Variants in ATM observed in about 807,000 individuals in gnomAD.
ATM encodes the protein serine-protein kinase ATM.
A neutral mutation model predicts 387.0 loss-of-function variants in ATM; 308 were observed. The observed-to-expected ratio is 0.80, with a 90% confidence interval of 0.73 to 0.87. ATM has a LOEUF of 0.87. ATM is among the 40% of genes least tolerant of loss of function. ATM has a pLI of 0.00. For missense variants in ATM, 3,312 were observed against 3,560.9 expected, an observed-to-expected ratio of 0.93 and a Z score of 1.78; for synonymous variants, 1,156 against 1,187.3, an observed-to-expected ratio of 0.97 and a Z score of 0.54.
rs35119654 is a variant in ATM, at chr11:108,342,093, GT to G, written c.8269-1120del. Among the ~76,000 whole-genome samples, 153 of 151,156 alleles carry G rather than the reference GT, an allele frequency of 1.0e-3. 1 individual carries two copies. The highest frequency in any genetic ancestry group is 1.3e-3 in the Non-Finnish European group (86 of 67,732). Reference sequence around the variant, plus strand: ...TTAACATTATGAGATTTTTTTTGCAGTTTTTTTTTCTTTTTTAGCTCATCAG... The same window carrying G: ...TTAACATTATGAGATTTTTTTTGCAGTTTTTTTTCTTTTTTAGCTCATCAG... On this transcript the variant is annotated intron_variant, in intron 56 of 62. Coordinates refer to ENST00000675843, the MANE Select transcript of ATM (RefSeq NM_000051.4).
At chr11:108,272,974 G>A (rs1368083826) in intron 22 of ATM, 122 bp downstream of exon 22, 17 of 1,220,444 alleles carry the variant, frequency 1.4e-5, no homozygotes, top group Non-Finnish European at 2.0e-5. Flanking sequence ...TATATACGGT[G>A]TGCCTGGCAT....
chr11:108,266,468 C>T, intron 16 of ATM, among the ~76,000 whole-genome samples: 1 of 128,300 alleles, frequency 7.8e-6, no homozygotes. Flanking sequence ...GGGAATATCA[C>T]ACTCTGTGGA....
At chr11:108,311,213 A>G (rs1415435633) in intron 39 of ATM, among the ~76,000 whole-genome samples, 1 of 152,084 alleles carries the variant, frequency 6.6e-6, no homozygotes, top group Non-Finnish European at 1.5e-5. Flanking sequence ...ACGTTCAAGC[A>G]GTCCTCCCAC....
chr11:108,231,090 T>C (rs1487409223), intron 4 of ATM, among the ~76,000 whole-genome samples: 2 of 152,216 alleles, frequency 1.3e-5, no homozygotes, highest in Non-Finnish European at 2.9e-5. Context: ...TGATTAATTC[T>C]AAGATCATGT....
intron 4 of ATM, among the ~76,000 whole-genome samples, chr11:108,232,315 T>G (rs745336849): frequency 2.0e-5 from 3 of 152,136 alleles, no homozygotes; most frequent in Admixed American, 2.0e-4. Flanking sequence ...GAGTTACTAT[T>G]CCCTCACCCC....
At chr11:108,309,061 G>A in intron 38 of ATM, 1 of 1,501,008 alleles carries the variant, frequency 6.7e-7, no homozygotes, top group Non-Finnish European at 9.0e-7. Flanking sequence ...ATAAGATCCT[G>A]AAGAATATTC....
At chr11:108,347,512 T>C (rs1312698962) in intron 59 of ATM, 147 bp downstream of exon 59, 13 of 683,848 alleles carry the variant, frequency 1.9e-5, no homozygotes, top group Non-Finnish European at 2.8e-5. Context: ...GCATAAACAG[T>C]TGTCCTAGAA....
chr11:108,348,857 T>C (rs2088822894), intron 59 of ATM, among the ~76,000 whole-genome samples: 1 of 152,202 alleles, frequency 6.6e-6, no homozygotes, highest in Non-Finnish European at 1.5e-5. Context: ...AAAAGGTAGA[T>C]GCTAAGAATC....
At chr11:108,333,224 G>C (rs2086472779) in intron 53 of ATM, among the ~76,000 whole-genome samples, 1 of 152,034 alleles carries the variant, frequency 6.6e-6, no homozygotes, top group African/African-American at 2.4e-5. Context: ...AGCCTCAAAA[G>C]TTTTTTTAAA....
At chr11:108,268,767 G>A (rs779859985) in intron 18 of ATM, among the ~76,000 whole-genome samples, 158 bp downstream of exon 18, 6 of 152,190 alleles carry the variant, frequency 3.9e-5, no homozygotes, top group East Asian at 1.9e-4. Flanking sequence ...CACTTTTAAC[G>A]TGCTGTGAGC....
intron 23 of ATM, among the ~76,000 whole-genome samples, chr11:108,280,522 T>G (rs889432198): frequency 2.0e-5 from 3 of 150,988 alleles, no homozygotes; most frequent in South Asian, 2.1e-4. Context: ...ATAGTAGGGG[T>G]GTGTGTGTGT....
rs1060504285 is a variant in ATM at position 108,250,728 on chromosome 11, A to G, written c.1263A>G (p.Ser421=). ...PWLQIATQLI[S]KYPASLPNCE... is the part of the protein sequence containing the mutation. Reference sequence around the variant, plus strand: ...TACAGATTGCAACCCAATTAATATCAAAGTATCCTGCAAGTTTACCTAACT... The same window carrying G: ...TACAGATTGCAACCCAATTAATATCGAAGTATCCTGCAAGTTTACCTAACT... Residue 421 remains serine, a synonymous_variant, in exon 10 of 63, where the codon TCA becomes TCG. Transcript: ENST00000675843. The G allele has an allele frequency of 1.2e-6, 2 of 1,608,946 alleles. No individual in the cohort carries two copies. Among genetic ancestry groups the G allele is most frequent in the Non-Finnish European group, 1.7e-6 (2 of 1,179,714 alleles).
At chr11:108,364,759 A>G (rs1450525472) in intron 61 of ATM, among the ~76,000 whole-genome samples, 1 of 152,210 alleles carries the variant, frequency 6.6e-6, no homozygotes, top group Non-Finnish European at 1.5e-5. Flanking sequence ...AAGCAAATAC[A>G]CTAACCCAGG....
chr11:108,294,002 A>G (rs902782878), intron 31 of ATM, among the ~76,000 whole-genome samples: 2 of 150,932 alleles, frequency 1.3e-5, no homozygotes, highest in Non-Finnish European at 3.0e-5. Context: ...ATCTTAATGT[A>G]TCTCTTTGCA....
intron 36 of ATM, among the ~76,000 whole-genome samples, chr11:108,304,419 A>G (rs2135939937): frequency 6.6e-6 from 1 of 152,320 alleles, no homozygotes; most frequent in Non-Finnish European, 1.5e-5. Context: ...GTAATGGCCT[A>G]GACTGGAAAT....
At chr11:108,314,523 T>C (rs2084449703) in intron 40 of ATM, among the ~76,000 whole-genome samples, 1 of 152,088 alleles carries the variant, frequency 6.6e-6, no homozygotes, top group Non-Finnish European at 1.5e-5. Flanking sequence ...CATGAAATTG[T>C]AGGCAATTCT....
intron 56 of ATM, among the ~76,000 whole-genome samples, chr11:108,338,212 G>A (rs1014909949): frequency 1.3e-4 from 20 of 151,990 alleles, no homozygotes; most frequent in South Asian, 2.1e-4. Context: ...TTAGCCAGGC[G>A]TGGTGGCACA....
At position 108,286,312 on chromosome 11, in the gene ATM, CAAAAAAAAAAAAAAAAA is replaced by C. The variant is rs34917552; in HGVS notation, c.3994-1278_3994-1262del. ...TGGGCAACAGAGCAAGATTTCGTCTCAAAAAAAAAAAAAAAAAAAAAAAAAAGAATTGTATAAAACAC... is the reference window on the plus strand; with the variant it reads ...TGGGCAACAGAGCAAGATTTCGTCTCAAAAAAAAAGAATTGTATAAAACAC... On this transcript the variant is annotated intron_variant, in intron 26 of 62. Coordinates refer to ENST00000675843, the MANE Select transcript of ATM (RefSeq NM_000051.4). Among the ~76,000 whole-genome samples the C allele has an allele frequency of 2.1e-4, 10 of 47,198 alleles. No homozygotes were observed. In the South Asian group the frequency reaches 4.6e-3, roughly 22 times the overall value. 31.0% of individuals were successfully genotyped at this position (47,198 alleles called of 152,430 possible). A position where few individuals can be genotyped will look rare whatever the true frequency, so the allele number is the denominator to read the frequency against.
intron 61 of ATM, among the ~76,000 whole-genome samples, chr11:108,356,507 G>T (rs531044339): frequency 6.9e-6 from 1 of 144,504 alleles, no homozygotes; most frequent in East Asian, 2.0e-4. Flanking sequence ...TTGCCCTCCA[G>T]CCTGGGCGAC....
Sources: gnomAD v4.1 joint callset for allele counts (sites outside exome capture counted in the v4.1 genomes callset) on GRCh38, gnomAD v4.1.1 for gene constraint, MANE v1.5 for transcripts, NCBI Gene and HGNC (gene_info 2026-07-23, HGNC 2026-07-21) for gene names.